The following C4orf51 variants were observed in gnomAD, a reference collection of about 807,000 sequenced individuals.
C4orf51 encodes uncharacterized protein C4orf51.
A neutral mutation model predicts 25.2 loss-of-function variants in C4orf51; 25 were observed. The ratio of observed to expected loss-of-function variants is 0.99; its 90% CI spans 0.72 to 1.39. The LOEUF (loss-of-function observed/expected upper bound fraction) is 1.39. C4orf51 is among the 40% of genes most tolerant of loss of function. The pLI, the probability that C4orf51 is intolerant of heterozygous loss-of-function variation, is 0.00. For missense variants in C4orf51, 252 were observed against 239.6 expected (o/e 1.05, Z -0.34); for synonymous variants, 100 against 84.5 (o/e 1.18, Z -1.01).
At chr4:145,733,637 GCAC>G (rs927175689), downstream of C4orf51, among the ~76,000 whole-genome samples, 1 of 151,884 alleles carries the variant, frequency 6.6e-6, no homozygotes, top group African/African-American at 2.4e-5. Context: ...AAAAGTCGCA[GCAC>G]CACCCCTGCC....
chr4:145,743,444 C>T (rs902791570), intron 1 of C4orf51, among the ~76,000 whole-genome samples: 1 of 152,130 alleles, frequency 6.6e-6, no homozygotes, highest in Non-Finnish European at 1.5e-5. Flanking sequence ...GAAGATCCTG[C>T]TCCTGAGATA....
At chr4:145,741,293 C>A (rs1246074507) in intron 1 of C4orf51, among the ~76,000 whole-genome samples, 1 of 152,148 alleles carries the variant, frequency 6.6e-6, no homozygotes, top group African/African-American at 2.4e-5. Flanking sequence ...ATAACTCTTG[C>A]CACAGCAGAG....
At chr4:145,705,449 C>CA (rs1021957283) in intron 2 of C4orf51, among the ~76,000 whole-genome samples, 41 of 152,302 alleles carry the variant, frequency 2.7e-4, no homozygotes, top group African/African-American at 9.4e-4. Flanking sequence ...GCCTGACTAG[C>CA]TACCTACTGT....
intron 1 of C4orf51, among the ~76,000 whole-genome samples, chr4:145,695,594 C>CT (rs1470796273): frequency 5.9e-5 from 9 of 152,138 alleles, no homozygotes; most frequent in African/African-American, 2.2e-4. Context: ...TGCAGAAGCT[C>CT]TTAAGTTTAA....
chr4:145,736,501 G>A (rs2126785744), downstream of C4orf51, among the ~76,000 whole-genome samples: 1 of 152,270 alleles, frequency 6.6e-6, no homozygotes, highest in South Asian at 2.1e-4. Context: ...CCTGGTCCAT[G>A]GCTGGGCGCA....
At chr4:145,687,183 G>A (rs1312178430) in intron 1 of C4orf51, among the ~76,000 whole-genome samples, 1 of 152,146 alleles carries the variant, frequency 6.6e-6, no homozygotes, top group Non-Finnish European at 1.5e-5. Context: ...CCTTTGGAAA[G>A]GCTAATCAGA....
chr4:145,712,086 A>G (rs1731164076), intron 2 of C4orf51, among the ~76,000 whole-genome samples: 1 of 152,206 alleles, frequency 6.6e-6, no homozygotes, highest in African/African-American at 2.4e-5. Context: ...CAGCAAACTT[A>G]ATTGATAAAC....
At chr4:145,702,824 T>C (rs1265594832) in intron 2 of C4orf51, among the ~76,000 whole-genome samples, 1 of 151,708 alleles carries the variant, frequency 6.6e-6, no homozygotes, top group Non-Finnish European at 1.5e-5. Context: ...CCAATCATTC[T>C]ATATGACAAA....
At chr4:145,685,549 G>A (rs1331069908) in intron 1 of C4orf51, among the ~76,000 whole-genome samples, 1 of 152,162 alleles carries the variant, frequency 6.6e-6, no homozygotes, top group African/African-American at 2.4e-5. Context: ...AGCGGGTAAC[G>A]TGACTGGGGG....
At chr4:145,702,059 A>T (rs186349797) in intron 2 of C4orf51, among the ~76,000 whole-genome samples, 149 of 152,130 alleles carry the variant, frequency 9.8e-4, no homozygotes, top group African/African-American at 3.9e-4. Flanking sequence ...CTAATCACCC[A>T]TACCCCACTC....
In C4orf51 at chr4:145,765,652, C is replaced by A; in HGVS notation, n.167-5336C>A. On this transcript the variant is annotated intron_variant and non_coding_transcript_variant, in intron 1 of 1. Transcript: ENST00000510096. This position sits in a 1 kb window ranked among gnomAD's most constrained non-coding sequence, Gnocchi z 4.7. ...TTGTTTTTCTGGGAGCCATCTGAAT[C>A]ATCTTTGCTGTTGGCTGAATCACTC... is the stretch of plus-strand genomic sequence containing the variant. 1 of 1,614,124 alleles carries A rather than the reference C, an allele frequency of 6.2e-7. No individual in the cohort carries two copies. The highest frequency in any genetic ancestry group is 1.1e-5 in the South Asian group (1 of 91,068).
At chr4:145,696,509 T>G (rs1200435071) in intron 1 of C4orf51, 50 bp from the exon 2 acceptor site, 1 of 1,442,110 alleles carries the variant, frequency 6.9e-7, no homozygotes. Flanking sequence ...CTTCATGTGA[T>G]TTATAAATCC....
intron 1 of C4orf51, among the ~76,000 whole-genome samples, chr4:145,769,271 T>C (rs1235494328): frequency 6.6e-6 from 1 of 152,132 alleles, no homozygotes; most frequent in Non-Finnish European, 1.5e-5. Flanking sequence ...ACAAGAAAGC[T>C]ATGTGACAAC....
intron 2 of C4orf51, among the ~76,000 whole-genome samples, chr4:145,725,069 A>C (rs897775232): frequency 2.6e-5 from 4 of 151,834 alleles, no homozygotes; most frequent in Non-Finnish European, 4.4e-5. Context: ...AAAAGACTAC[A>C]CTTGGGTACA....
At chr4:145,750,483 T>C (rs780641385) in intron 1 of C4orf51, among the ~76,000 whole-genome samples, 3 of 151,652 alleles carry the variant, frequency 2.0e-5, no homozygotes, top group Non-Finnish European at 4.4e-5. Flanking sequence ...GGCTGTAAGG[T>C]TTCCACTGAA....
At chr4:145,744,467 ACCCC>A (rs1356274110) in intron 1 of C4orf51, among the ~76,000 whole-genome samples, 1,727 of 152,192 alleles carry the variant, frequency 0.011, 40 homozygotes, top group African/African-American at 0.04. Context: ...TTTAATTGTA[ACCCC>A]AACTCTTGAA....
chr4:145,751,896 G>C (rs1251012717), intron 1 of C4orf51, among the ~76,000 whole-genome samples: 5 of 152,270 alleles, frequency 3.3e-5, no homozygotes, highest in African/African-American at 1.2e-4. Flanking sequence ...GCACAGGCAG[G>C]GGTGCCTCTC....
At chr4:145,755,243 A>G (rs1021516746), downstream of C4orf51, among the ~76,000 whole-genome samples, 1 of 152,208 alleles carries the variant, frequency 6.6e-6, no homozygotes, top group Non-Finnish European at 1.5e-5. Flanking sequence ...GGTATGTCTT[A>G]ATCACAGCCC....
intron 4 of C4orf51, among the ~76,000 whole-genome samples, chr4:145,729,582 T>C (rs537074736): frequency 1.3e-5 from 2 of 152,188 alleles, no homozygotes; most frequent in Non-Finnish European, 2.9e-5. Context: ...ATTACAGGCG[T>C]GAGCCACCAT....
Sources: allele counts gnomAD v4.1 joint callset (sites outside exome capture counted in the v4.1 genomes callset), GRCh38; gene constraint gnomAD v4.1.1; non-coding constraint Gnocchi (gnomAD v3.1); transcripts MANE v1.5; gene names NCBI Gene and HGNC (gene_info 2026-07-23, HGNC 2026-07-21).